Variants in ACVR1B observed in about 807,000 individuals in gnomAD.
ACVR1B encodes the protein activin receptor type-1B.
Under a neutral mutation model 55.6 loss-of-function variants are expected in ACVR1B, and 15 were observed. The ratio of observed to expected loss-of-function variants is 0.27; its 90% CI spans 0.18 to 0.42. The LOEUF (loss-of-function observed/expected upper bound fraction) is 0.42, where lower values mean the gene tolerates loss of function less well. Among genes scored for constraint, ACVR1B ranks in the 10% least tolerant of loss-of-function variants. The pLI, the probability that ACVR1B is intolerant of heterozygous loss-of-function variation, is 1.00. For synonymous variants in ACVR1B, 247 were observed against 254.6 expected, an observed-to-expected ratio of 0.97 and a Z score of 0.28; for missense variants, 359 against 670.1, an observed-to-expected ratio of 0.54 and a Z score of 5.13.
rs772999745 is a variant in ACVR1B at position 51,976,389 on chromosome 12, G to A, written c.394G>A (p.Ala132Thr). Residue 132 changes from alanine (A) to threonine (T), a missense_variant, in exon 3 of 9, where the codon GCC (alanine) becomes ACC (threonine). Ala to Thr is a moderately conservative substitution (Grantham distance 58). Transcript: ENST00000257963. ...WGPVELVGII[A>T]GPVFLLFLII... is the part of the protein sequence containing the mutation. ...CCCGGTGGAGCTGGTAGGCATCATC[G>A]CCGGCCCGGTGTTCCTCCTGTTCCT... is the stretch of plus-strand genomic sequence containing the variant. The A allele has an allele frequency of 4.3e-6, 7 of 1,613,962 alleles. No homozygotes were observed. The highest frequency in any genetic ancestry group is 4.5e-5 in the East Asian group (2 of 44,896).
chr12:51,990,022 G>A (rs1022089611), intron 7 of ACVR1B, among the ~76,000 whole-genome samples: 7 of 151,744 alleles, frequency 4.6e-5, no homozygotes, highest in Non-Finnish European at 7.4e-5. Context: ...GGTCAGGTGC[G>A]GTGGCTCGCA....
intron 2 of ACVR1B, 56 bp downstream of exon 2, chr12:51,975,560 C>A: frequency 1.3e-6 from 2 of 1,576,156 alleles, no homozygotes; most frequent in South Asian, 2.3e-5. Flanking sequence ...GGTACCCCGT[C>A]ATTTCATTTT....
At chr12:51,974,281 C>A (rs1941802033) in intron 1 of ACVR1B, among the ~76,000 whole-genome samples, 1 of 152,220 alleles carries the variant, frequency 6.6e-6, no homozygotes, top group African/African-American at 2.4e-5. Flanking sequence ...AGGTTAGTCT[C>A]ATGGGAGACA....
chr12:51,976,256 A>AG lies in ACVR1B; in HGVS notation c.332-65dup. ...GGGGTCTTTTTCACTCTTCACTTTG[A>AG]GGGGGGTGTTTTTACTCTTTCCCTT... is the stretch of plus-strand genomic sequence containing the variant. On this transcript the variant is annotated intron_variant, in intron 2 of 8. Coordinates refer to ENST00000257963, the MANE Select transcript of ACVR1B (RefSeq NM_004302.5). The AG allele has an allele frequency of 3.2e-6, 5 of 1,566,628 alleles. No individual in the cohort carries two copies. In the Admixed American group the frequency reaches 5.1e-5, roughly 16 times the overall value.
At chr12:51,963,086 C>T (rs1346206874) in intron 1 of ACVR1B, among the ~76,000 whole-genome samples, 2 of 151,986 alleles carry the variant, frequency 1.3e-5, no homozygotes, top group Admixed American at 1.3e-4. Context: ...TGTTGTTTGG[C>T]AAATAGGGAT....
chr12:51,966,659 G>A (rs886652101), intron 1 of ACVR1B, among the ~76,000 whole-genome samples: 2 of 152,076 alleles, frequency 1.3e-5, no homozygotes, highest in Non-Finnish European at 1.5e-5. Context: ...GTGTTGCCCA[G>A]GCTGATCTCA....
At chr12:51,967,430 G>A (rs1309227927) in intron 1 of ACVR1B, among the ~76,000 whole-genome samples, 1 of 151,806 alleles carries the variant, frequency 6.6e-6, no homozygotes, top group African/African-American at 2.4e-5. Flanking sequence ...GTGGTGGCGG[G>A]CGCCTGTAAT....
Position 51,978,051 on chromosome 12 carries a change from T to C in ACVR1B, c.580+1476T>C, listed in dbSNP as rs78400709. Among the ~76,000 whole-genome samples the C allele has an allele frequency of 1.9e-4, 29 of 152,182 alleles. No individual in the cohort carries two copies. The East Asian group carries it at 5.6e-3, about 29-fold the overall frequency. ...ACATTCTGCTTGACACGGGAGTACT[T>C]TGAGCTGTGACATCTCCTGAATTTC... On this transcript the variant is annotated intron_variant, in intron 3 of 8. Coordinates refer to ENST00000257963, the MANE Select transcript of ACVR1B (RefSeq NM_004302.5).
intron 1 of ACVR1B, among the ~76,000 whole-genome samples, chr12:51,952,774 C>T (rs879497065): frequency 6.6e-6 from 1 of 152,094 alleles, no homozygotes; most frequent in African/African-American, 2.4e-5. Context: ...GGCCCTTGGT[C>T]AGTACTTATT....
At position 51,975,601 on chromosome 12, in the gene ACVR1B, C is replaced by T. The variant is rs928324966; in HGVS notation, c.331+97C>T. On this transcript the variant is annotated intron_variant, in intron 2 of 8. Coordinates refer to ENST00000257963, the MANE Select transcript of ACVR1B (RefSeq NM_004302.5). ...ACTCTTGCCCACTCACTTGGTTTGA[C>T]GATAAAGATGCCTTTTGGATGTTCC... 8.2e-6 allele frequency: 12 copies of T among 1,456,096 alleles called. No homozygotes were observed. In the Admixed American group the frequency reaches 8.9e-5, roughly 11 times the overall value. The allele number at this position is 1,456,096 out of a possible 1,614,324, so 90.2% of individuals were successfully genotyped here. A position where few individuals can be genotyped will look rare whatever the true frequency, so the allele number is the denominator to read the frequency against.
Position 51,993,765 on chromosome 12 carries a change from T to TAAAAAAAAAAAAAAA in ACVR1B, c.1393-195_1393-181dup, listed in dbSNP as rs869161100. ...CTGGGTGACAGAGTGAGACTCCTTCTAAAAAAAAAAAAAAAAAAAAAAAAA... is the reference window on the plus strand; with the variant it reads ...CTGGGTGACAGAGTGAGACTCCTTCTAAAAAAAAAAAAAAAAAAAAAAAAAAAAAAAAAAAAAAAA... On this transcript the variant is annotated intron_variant, in intron 8 of 8. Coordinates refer to ENST00000257963, the MANE Select transcript of ACVR1B (RefSeq NM_004302.5). Among the ~76,000 whole-genome samples the TAAAAAAAAAAAAAAA allele has an allele frequency of 2.0e-4, 6 of 29,766 alleles. 1 individual carries two copies. The highest frequency in any genetic ancestry group is 1.3e-3 in the East Asian group (1 of 782). 19.5% of individuals were successfully genotyped at this position (29,766 alleles called of 152,430 possible).
intron 1 of ACVR1B, chr12:51,953,368 T>C: frequency 3.0e-6 from 3 of 985,446 alleles, no homozygotes; most frequent in Non-Finnish European, 3.6e-6. Context: ...GCGGGGTCTT[T>C]GTTCACGGGC....
At chr12:51,993,838 GCATTTCCCTAAGGTCGGC>G in intron 8 of ACVR1B, 129 bp from the exon 9 acceptor site, 1 of 505,734 alleles carries the variant, frequency 2.0e-6, no homozygotes, top group African/African-American at 2.2e-5. Flanking sequence ...GCCTTGCAGA[GCATTTCCCTAAGGTCGGC>G]CGCCGGGTGG....
rs2120701012 is a variant in ACVR1B at position 51,985,225 on chromosome 12, C to A, written c.1013C>A (p.Ser338Ter). The A allele has an allele frequency of 6.2e-7, 1 of 1,613,124 alleles. No homozygotes were observed. The highest frequency in any genetic ancestry group is 1.1e-5 in the South Asian group (1 of 90,830). ...KPGIAHRDLK[S>*]KNILVKKNGM... is the part of the protein sequence containing the mutation. ...GGAATTGCTCATCGAGACTTAAAGT[C>A]AAAGAACATTCTGGTGAAGAAAAAT... The change falls in exon 6 of 9, where the codon TCA (serine) becomes TAA (stop). Residue 338 changes from serine (S) to a stop codon, truncating the protein, a stop_gained. Coordinates refer to ENST00000257963, the MANE Select transcript of ACVR1B (RefSeq NM_004302.5). LOFTEE classifies it high-confidence loss of function.
At chr12:51,970,656 T>C (rs1941728412) in intron 1 of ACVR1B, among the ~76,000 whole-genome samples, 1 of 152,188 alleles carries the variant, frequency 6.6e-6, no homozygotes, top group South Asian at 2.1e-4. Context: ...ATGGTTGTAT[T>C]AGGCTATTCT....
intron 2 of ACVR1B, among the ~76,000 whole-genome samples, chr12:51,975,738 T>G (rs1464368771): frequency 6.6e-6 from 1 of 152,228 alleles, no homozygotes; most frequent in Non-Finnish European, 1.5e-5. Flanking sequence ...GAGTAGTGGC[T>G]TAGCAGCCAT....
intron 1 of ACVR1B, among the ~76,000 whole-genome samples, chr12:51,973,546 G>C (rs1398925381): frequency 6.6e-6 from 1 of 152,134 alleles, no homozygotes; most frequent in Non-Finnish European, 1.5e-5. Context: ...AGCAAACAAA[G>C]GTATTTGGAA....
At chr12:51,980,639 T>TGG (rs2120655602) in intron 3 of ACVR1B, among the ~76,000 whole-genome samples, 1 of 152,320 alleles carries the variant, frequency 6.6e-6, no homozygotes, top group East Asian at 1.9e-4. Context: ...GGCCCACAGG[T>TGG]GGCTGGCTGA....
intron 1 of ACVR1B, among the ~76,000 whole-genome samples, chr12:51,969,853 G>C (rs183362145): frequency 2.0e-5 from 3 of 152,242 alleles, no homozygotes; most frequent in Non-Finnish European, 4.4e-5. Flanking sequence ...CCTGTAAATA[G>C]CCACTGCACT....
Sources: allele counts gnomAD v4.1 joint callset (sites outside exome capture counted in the v4.1 genomes callset), GRCh38; gene constraint gnomAD v4.1.1; transcripts MANE v1.5; gene names NCBI Gene and HGNC (gene_info 2026-07-23, HGNC 2026-07-21).